PDE4D: variants seen among roughly 807,000 people sequenced by gnomAD.
The protein encoded by PDE4D is 3',5'-cyclic-AMP phosphodiesterase 4D.
A neutral mutation model predicts 87.4 loss-of-function variants in PDE4D; 24 were observed. The ratio of observed to expected loss-of-function variants is 0.27; its 90% confidence interval spans 0.20 to 0.39. The LOEUF (loss-of-function observed/expected upper bound fraction) is 0.39, where lower values mean the gene tolerates loss of function less well. PDE4D is among the 10% of genes least tolerant of loss of function. PDE4D has a pLI of 1.00. For synonymous variants in PDE4D, 384 were observed against 383.2 expected (o/e 1.00, Z -0.02); for missense variants, 714 against 1,041.0 (o/e 0.69, Z 4.32).
chr5:59,893,853 CAG>C (rs764177644), upstream of PDE4D: 127 of 1,300,472 alleles, frequency 9.8e-5, no homozygotes, highest in Non-Finnish European at 6.9e-5. Context: ...GAGGCTATGG[CAG>C]AGACACGCTC....
At chr5:59,934,111 C>T (rs2152791770) in intron 3 of PDE4D, among the ~76,000 whole-genome samples, 1 of 152,178 alleles carries the variant, frequency 6.6e-6, no homozygotes, top group Non-Finnish European at 1.5e-5. Context: ...AGCCTCCAGG[C>T]ACTGGCCACC....
intron 1 of PDE4D, among the ~76,000 whole-genome samples, chr5:60,280,909 C>T (rs1404118813): frequency 6.6e-6 from 1 of 152,150 alleles, no homozygotes; most frequent in Non-Finnish European, 1.5e-5. Context: ...GGCCACAAAT[C>T]TCTAAGGCTT....
chr5:59,897,518 G>C (rs1254315996), upstream of PDE4D, among the ~76,000 whole-genome samples: 1 of 151,748 alleles, frequency 6.6e-6, no homozygotes, highest in Non-Finnish European at 1.5e-5. Flanking sequence ...TTGTTACATA[G>C]GTATACATGT....
In PDE4D at chr5:60,301,284, A is replaced by G. The variant is rs568774658; in HGVS notation, c.-89-115597T>C. Among the ~76,000 whole-genome samples, 168 of 152,336 alleles carry G rather than the reference A, an allele frequency of 1.1e-3. 1 individual carries two copies. The highest frequency in any genetic ancestry group is 3.8e-3 in the African/African-American group (160 of 41,586). ...TGGTAATTTAATGGGAATAGCATGA[A>G]TATATAAATTACTTTAGGCAGCATG... On this transcript the variant is annotated intron_variant, in intron 1 of 16. Transcript: ENST00000502484.
intron 2 of PDE4D, among the ~76,000 whole-genome samples, chr5:60,141,672 T>C (rs958167849): frequency 1.3e-5 from 2 of 152,176 alleles, no homozygotes; most frequent in Non-Finnish European, 2.9e-5. Flanking sequence ...AACTTACTGC[T>C]AAGTCTACTT....
chr5:59,184,691 T>C (rs1742484766), intron 4 of PDE4D, among the ~76,000 whole-genome samples: 1 of 152,162 alleles, frequency 6.6e-6, no homozygotes, highest in Admixed American at 6.6e-5. Context: ...ATCTTTCAAA[T>C]GCTTTCCCTG....
intron 2 of PDE4D, among the ~76,000 whole-genome samples, chr5:60,103,394 C>A (rs574668364): frequency 2.6e-5 from 4 of 152,082 alleles, no homozygotes; most frequent in African/African-American, 9.7e-5. Context: ...GAAAAGGACA[C>A]AAGAGATGAA....
At chr5:59,980,989 C>T (rs917744258) in intron 3 of PDE4D, among the ~76,000 whole-genome samples, 3 of 152,226 alleles carry the variant, frequency 2.0e-5, no homozygotes, top group African/African-American at 2.4e-5. Context: ...TGATGGCTCA[C>T]GCCTGTAGTC....
chr5:59,045,804 G>A (rs1246160535), intron 5 of PDE4D, among the ~76,000 whole-genome samples: 1 of 152,122 alleles, frequency 6.6e-6, no homozygotes, highest in Non-Finnish European at 1.5e-5. Flanking sequence ...CTAGTGCTAT[G>A]CAATTAATGG....
At chr5:59,921,214 T>G (rs1346565565) in intron 3 of PDE4D, among the ~76,000 whole-genome samples, 4 of 152,202 alleles carry the variant, frequency 2.6e-5, no homozygotes, top group Non-Finnish European at 5.9e-5. Context: ...ATTATTATTA[T>G]TAGGGTTGCT....
At chr5:60,101,987 T>C (rs950968781) in intron 2 of PDE4D, among the ~76,000 whole-genome samples, 4 of 152,196 alleles carry the variant, frequency 2.6e-5, no homozygotes, top group Non-Finnish European at 4.4e-5. Flanking sequence ...CTTTAAAATA[T>C]ACATAGTCAG....
intron 1 of PDE4D, among the ~76,000 whole-genome samples, chr5:60,463,520 C>T (rs762263074): frequency 2.6e-5 from 4 of 152,174 alleles, no homozygotes; most frequent in Non-Finnish European, 4.4e-5. Context: ...CAGCTCCCCA[C>T]AGAGACTGAA....
intron 1 of PDE4D, among the ~76,000 whole-genome samples, chr5:59,496,119 T>C (rs534512454): frequency 6.6e-6 from 1 of 152,116 alleles, no homozygotes; most frequent in South Asian, 2.1e-4. Flanking sequence ...AGAAGGGAGA[T>C]GGTTTCCCCC....
chr5:59,453,250 C>G (rs775817321), intron 1 of PDE4D, among the ~76,000 whole-genome samples: 11 of 152,150 alleles, frequency 7.2e-5, no homozygotes, highest in Non-Finnish European at 1.5e-4. Context: ...TTCCCTATCT[C>G]TCTCTTTCTC....
intron 1 of PDE4D, among the ~76,000 whole-genome samples, chr5:60,449,473 T>C (rs1453830636): frequency 8.4e-6 from 1 of 118,974 alleles, no homozygotes; most frequent in Non-Finnish European, 1.6e-5. Flanking sequence ...AAGGGGAACA[T>C]CACACTCTGG....
At chr5:59,475,841 A>G (rs980359934) in intron 1 of PDE4D, among the ~76,000 whole-genome samples, 1 of 152,016 alleles carries the variant, frequency 6.6e-6, no homozygotes, top group African/African-American at 2.4e-5. Context: ...GGCAAAAAGG[A>G]AATTAGAGGG....
In PDE4D at chr5:60,431,892, G is replaced by A. The variant is rs543341804; in HGVS notation, c.-90+56050C>T. 1.2e-3 allele frequency among the ~76,000 whole-genome samples: 176 copies of A among 152,360 alleles called. 1 individual carries two copies. Among genetic ancestry groups the A allele is most frequent in the African/African-American group, 3.5e-3 (147 of 41,586 alleles). On this transcript the variant is annotated intron_variant, in intron 1 of 16. Transcript: ENST00000502484. ...TGGAGACCAGCCCGGCCAACACAGC[G>A]AAACCCCGTCTCCACCAAAAAAATA... is the stretch of plus-strand genomic sequence containing the variant.
chr5:59,776,205 C>A (rs1481024815), intron 1 of PDE4D, among the ~76,000 whole-genome samples: 1 of 152,058 alleles, frequency 6.6e-6, no homozygotes, highest in Non-Finnish European at 1.5e-5. Context: ...GAGTTGTATT[C>A]CCCATTTTGT....
chr5:59,460,773 TG>T (rs987335480), intron 1 of PDE4D, among the ~76,000 whole-genome samples: 1 of 152,170 alleles, frequency 6.6e-6, no homozygotes, highest in African/African-American at 2.4e-5. Flanking sequence ...CCCAACAGTC[TG>T]GTAACCAAAA....
Sources: gnomAD v4.1 joint callset for allele counts (sites outside exome capture counted in the v4.1 genomes callset) on GRCh38, gnomAD v4.1.1 for gene constraint, MANE v1.5 for transcripts, NCBI Gene and HGNC (gene_info 2026-07-23, HGNC 2026-07-21) for gene names.